The following FRMD4A variants were observed in gnomAD, a reference collection of about 807,000 sequenced individuals.
FRMD4A encodes the protein FERM domain containing 4A.
FRMD4A carries 29 observed loss-of-function variants against 129.1 expected under a neutral mutation model. That is an observed-to-expected ratio of 0.22 (90% CI 0.17 to 0.31). The LOEUF (loss-of-function observed/expected upper bound fraction) is 0.31, where lower values mean the gene tolerates loss of function less well. Among genes scored for constraint, FRMD4A ranks in the 10% least tolerant of loss-of-function variants. FRMD4A has a pLI of 1.00. For synonymous variants in FRMD4A, 634 were observed against 571.6 expected, an observed-to-expected ratio of 1.11 and a Z score of -1.56; for missense variants, 1,272 against 1,375.8, an observed-to-expected ratio of 0.92 and a Z score of 1.19.
At chr10:13,651,692 G>T (rs569140703) in intron 24 of FRMD4A, 2 of 571,170 alleles carry the variant, frequency 3.5e-6, no homozygotes, top group Admixed American at 3.1e-5. Context: ...CATACTCTGG[G>T]GGTCTTTTCT....
intron 3 of FRMD4A, among the ~76,000 whole-genome samples, chr10:13,841,620 G>T (rs934617971): frequency 6.6e-6 from 1 of 152,180 alleles, no homozygotes; most frequent in Non-Finnish European, 1.5e-5. Context: ...GAATCAATGT[G>T]CCAGGAGAGT....
chr10:13,893,870 A>T (rs974372332), intron 2 of FRMD4A, among the ~76,000 whole-genome samples: 3 of 152,080 alleles, frequency 2.0e-5, no homozygotes, highest in African/African-American at 7.2e-5. Flanking sequence ...GTTGAATTTT[A>T]TCCACATCTA....
chr10:14,090,392 G>A (rs113590240), intron 2 of FRMD4A, among the ~76,000 whole-genome samples: 2 of 152,190 alleles, frequency 1.3e-5, no homozygotes, highest in Non-Finnish European at 2.9e-5. Flanking sequence ...CAAGGCAGAC[G>A]CTGTAAAAGG....
chr10:13,706,749 G>GACACACACACACACACACACAC (rs3031967), intron 13 of FRMD4A, among the ~76,000 whole-genome samples: 15 of 146,628 alleles, frequency 1.0e-4, no homozygotes, highest in East Asian at 6.2e-4. Flanking sequence ...CACATACACT[G>GACACACACACACACACACACAC]ACACACACAC....
intron 2 of FRMD4A, among the ~76,000 whole-genome samples, chr10:14,080,853 C>T (rs1835888888): frequency 6.6e-6 from 1 of 151,572 alleles, no homozygotes; most frequent in South Asian, 2.1e-4. Context: ...AACTGATCTC[C>T]AGGAGATAAA....
chr10:13,959,007 C>T (rs940940731), intron 2 of FRMD4A, among the ~76,000 whole-genome samples: 1 of 152,178 alleles, frequency 6.6e-6, no homozygotes, highest in Non-Finnish European at 1.5e-5. Flanking sequence ...AACAATTTTC[C>T]CCAGCACTCT....
chr10:14,122,846 T>G (rs138531112), intron 2 of FRMD4A, among the ~76,000 whole-genome samples: 1 of 152,160 alleles, frequency 6.6e-6, no homozygotes, highest in Admixed American at 6.5e-5. Flanking sequence ...ATATACTGTA[T>G]AGTGATGAGA....
At chr10:13,891,866 G>T in intron 2 of FRMD4A, 1 of 425,002 alleles carries the variant, frequency 2.4e-6, no homozygotes, top group Non-Finnish European at 3.1e-6. Context: ...GAGCCCCGCC[G>T]CCGGCCCGCC....
chr10:14,021,627 G>T (rs1018661498), intron 2 of FRMD4A, among the ~76,000 whole-genome samples: 8 of 151,974 alleles, frequency 5.3e-5, no homozygotes, highest in Non-Finnish European at 1.0e-4. Context: ...GTTTCCCTCT[G>T]GGGGAGGGAG....
chr10:14,163,355 T>C (rs1388047101), intron 2 of FRMD4A, among the ~76,000 whole-genome samples: 1 of 152,230 alleles, frequency 6.6e-6, no homozygotes, highest in African/African-American at 2.4e-5. Context: ...TTAACGTAAT[T>C]CCCTTTGAAT....
intron 12 of FRMD4A, among the ~76,000 whole-genome samples, chr10:13,730,059 C>T (rs886890914): frequency 2.6e-5 from 4 of 152,120 alleles, no homozygotes; most frequent in East Asian, 1.9e-4. Context: ...TAATGGCTTC[C>T]GATGATCAGA....
chr10:14,327,552 G>A (rs371648621), intron 2 of FRMD4A, among the ~76,000 whole-genome samples: 155 of 152,346 alleles, frequency 1.0e-3, no homozygotes, highest in African/African-American at 3.7e-3. Context: ...ATGGAGCACA[G>A]GGCTGTCCAA....
intron 2 of FRMD4A, among the ~76,000 whole-genome samples, chr10:14,212,979 G>A (rs1195363000): frequency 6.6e-6 from 1 of 152,232 alleles, no homozygotes. Flanking sequence ...GCTCACGCCT[G>A]TAATCCCAGC....
At chr10:14,068,415 A>T (rs1215203582) in intron 2 of FRMD4A, among the ~76,000 whole-genome samples, 1 of 152,240 alleles carries the variant, frequency 6.6e-6, no homozygotes, top group Non-Finnish European at 1.5e-5. Context: ...TTATAATCTA[A>T]GTGTGAAGTA....
rs190681722 is a variant in FRMD4A at position 13,913,675 on chromosome 10, A to G, written c.46-54763T>C. Reference sequence around the variant, plus strand: ...ATGCCAGGACCTCAGTAGATGGGGTATCCTTAGTAACTGTATCCTTAGTAC... The same window carrying G: ...ATGCCAGGACCTCAGTAGATGGGGTGTCCTTAGTAACTGTATCCTTAGTAC... On this transcript the variant is annotated intron_variant, in intron 2 of 24. Transcript: ENST00000357447. 1.2e-3 allele frequency among the ~76,000 whole-genome samples: 177 copies of G among 152,250 alleles called. 1 individual carries two copies. The highest frequency in any genetic ancestry group is 0.01 in the Admixed American group (159 of 15,290).
chr10:14,298,442 A>G (rs1846079509), intron 2 of FRMD4A, among the ~76,000 whole-genome samples: 1 of 152,146 alleles, frequency 6.6e-6, no homozygotes, highest in African/African-American at 2.4e-5. Context: ...GTGGGGTAGG[A>G]TCTGTGGCAA....
At chr10:13,834,222 C>G (rs2093837220) in intron 3 of FRMD4A, among the ~76,000 whole-genome samples, 1 of 152,050 alleles carries the variant, frequency 6.6e-6, no homozygotes, top group Non-Finnish European at 1.5e-5. Context: ...TGAGATTGTA[C>G]CCTTGCACTC....
chr10:14,209,425 G>A (rs1842874863), intron 2 of FRMD4A, among the ~76,000 whole-genome samples: 1 of 152,076 alleles, frequency 6.6e-6, no homozygotes, highest in Non-Finnish European at 1.5e-5. Flanking sequence ...GGATTAGGGT[G>A]GGCCATAAAT....
intron 2 of FRMD4A, among the ~76,000 whole-genome samples, chr10:14,002,416 G>C (rs939068835): frequency 6.6e-6 from 1 of 152,206 alleles, no homozygotes; most frequent in African/African-American, 2.4e-5. Flanking sequence ...ACACGTAAGA[G>C]TGAACACATT....
Sources: allele counts gnomAD v4.1 joint callset (sites outside exome capture counted in the v4.1 genomes callset), GRCh38; gene constraint gnomAD v4.1.1; transcripts MANE v1.5; gene names NCBI Gene and HGNC (gene_info 2026-07-23, HGNC 2026-07-21).